The following CDH12 variants were observed in gnomAD, a reference collection of about 807,000 sequenced individuals.
CDH12 encodes cadherin 12.
Under a neutral mutation model 74.1 loss-of-function variants are expected in CDH12, and 41 were observed. That is an observed-to-expected ratio of 0.55 (90% CI 0.43 to 0.72). CDH12 has a LOEUF of 0.72. CDH12 is among the 30% of genes least tolerant of loss of function. The pLI is 0.00. For missense variants in CDH12, 945 were observed against 977.2 expected (o/e 0.97, Z 0.44); for synonymous variants, 399 against 355.0 (o/e 1.12, Z -1.39).
chr5:22,670,420 C>T (rs1465596919), intron 1 of CDH12, among the ~76,000 whole-genome samples: 1 of 152,076 alleles, frequency 6.6e-6, no homozygotes, highest in Non-Finnish European at 1.5e-5. Context: ...AAGAATAAAA[C>T]AGAAAGCTGC....
chr5:22,343,146 C>T (rs1388863634), intron 3 of CDH12, among the ~76,000 whole-genome samples: 1 of 151,630 alleles, frequency 6.6e-6, no homozygotes, highest in African/African-American at 2.4e-5. Flanking sequence ...TAAGCCACCT[C>T]ATCTGGCCTC....
At chr5:22,505,116 T>C (rs1008111262) in intron 2 of CDH12, among the ~76,000 whole-genome samples, 154 bp downstream of exon 2, 10 of 152,040 alleles carry the variant, frequency 6.6e-5, no homozygotes, top group African/African-American at 2.4e-4. Flanking sequence ...GATTTTGTTG[T>C]GTTTATGTCA....
At chr5:22,317,516 G>C (rs984002493) in intron 3 of CDH12, among the ~76,000 whole-genome samples, 1 of 151,994 alleles carries the variant, frequency 6.6e-6, no homozygotes, top group Admixed American at 6.6e-5. Flanking sequence ...CATGAATACA[G>C]AGAAAGACAA....
chr5:22,228,612 T>A (rs1376335430), intron 3 of CDH12, among the ~76,000 whole-genome samples: 1 of 152,146 alleles, frequency 6.6e-6, no homozygotes, highest in Non-Finnish European at 1.5e-5. Flanking sequence ...AAGAAAGGAA[T>A]TCAGCTTGAT....
chr5:22,490,394 T>C (rs568263525), intron 2 of CDH12, among the ~76,000 whole-genome samples: 3 of 152,132 alleles, frequency 2.0e-5, no homozygotes, highest in Non-Finnish European at 4.4e-5. Context: ...TGTTATAGAG[T>C]TCTGCTTTCT....
chr5:22,671,749 A>T (rs1179804198), intron 1 of CDH12, among the ~76,000 whole-genome samples: 1 of 152,036 alleles, frequency 6.6e-6, no homozygotes, highest in African/African-American at 2.4e-5. Context: ...AGATGCTGGG[A>T]AAGATAAGCC....
intron 2 of CDH12, among the ~76,000 whole-genome samples, chr5:22,487,231 AC>A (rs1746643874): frequency 6.6e-6 from 1 of 151,630 alleles, no homozygotes; most frequent in Non-Finnish European, 1.5e-5. Flanking sequence ...CGAACTCCTG[AC>A]CTCAGGTGAT....
At chr5:22,521,969 T>G (rs1737073082) in intron 1 of CDH12, among the ~76,000 whole-genome samples, 2 of 152,182 alleles carry the variant, frequency 1.3e-5, no homozygotes, top group African/African-American at 4.8e-5. Flanking sequence ...AACTTAATAT[T>G]TATATTCCAA....
At chr5:21,866,745 G>T (rs1268974249) in intron 6 of CDH12, among the ~76,000 whole-genome samples, 1 of 152,180 alleles carries the variant, frequency 6.6e-6, no homozygotes, top group African/African-American at 2.4e-5. Context: ...ATTCAAGCTG[G>T]CTGCAGAAAT....
chr5:22,617,854 A>AT (rs1561531414), intron 1 of CDH12, among the ~76,000 whole-genome samples: 1 of 152,142 alleles, frequency 6.6e-6, no homozygotes, highest in Admixed American at 6.6e-5. Context: ...CAATGGTATG[A>AT]TTTTACACCC....
intron 7 of CDH12, among the ~76,000 whole-genome samples, chr5:21,850,484 A>G (rs776302807): frequency 1.3e-5 from 2 of 151,632 alleles, no homozygotes; most frequent in Non-Finnish European, 3.0e-5. Context: ...AAGCCTAAGT[A>G]TGTCTATAGT....
At chr5:22,834,637 T>C (rs1736747315) in intron 1 of CDH12, among the ~76,000 whole-genome samples, 1 of 152,134 alleles carries the variant, frequency 6.6e-6, no homozygotes, top group Admixed American at 6.6e-5. Context: ...TCAAGTGTCT[T>C]GGAAGCCAAT....
At chr5:22,698,709 A>G (rs1333705090) in intron 1 of CDH12, among the ~76,000 whole-genome samples, 412 of 21,402 alleles carry the variant, frequency 0.019, 32 homozygotes, top group African/African-American at 0.039. Flanking sequence ...ATATATATAT[A>G]TATATATATA....
chr5:22,396,251 A>C (rs2920761), intron 3 of CDH12, among the ~76,000 whole-genome samples: 128,277 of 152,032 alleles, frequency 0.84, 54,195 homozygotes, highest in African/African-American at 0.87. Flanking sequence ...AAAATGAGGG[A>C]ACACCAGATG....
intron 6 of CDH12, among the ~76,000 whole-genome samples, chr5:21,873,792 C>T (rs931401538): frequency 1.3e-5 from 2 of 151,924 alleles, no homozygotes; most frequent in East Asian, 1.9e-4. Flanking sequence ...CCTCCCCCAC[C>T]CTCCCCCAAC....
chr5:21,968,169 G>C (rs1756672171), intron 6 of CDH12, among the ~76,000 whole-genome samples: 1 of 152,202 alleles, frequency 6.6e-6, no homozygotes. Context: ...TTACCATTTA[G>C]ACTTTCTCTG....
chr5:22,846,401 A>T (rs1737303678), intron 1 of CDH12, among the ~76,000 whole-genome samples: 1 of 152,166 alleles, frequency 6.6e-6, no homozygotes, highest in Admixed American at 6.5e-5. Flanking sequence ...CCCTTCAGTG[A>T]TTCTCTAGAT....
intron 1 of CDH12, among the ~76,000 whole-genome samples, chr5:22,568,790 G>A (rs1739407136): frequency 6.6e-6 from 1 of 152,120 alleles, no homozygotes; most frequent in Admixed American, 6.5e-5. Context: ...TTAAAATTAT[G>A]TTTACACTAG....
chr5:22,096,018 G>A (rs1580242706), intron 4 of CDH12, among the ~76,000 whole-genome samples: 1 of 149,818 alleles, frequency 6.7e-6, no homozygotes, highest in East Asian at 2.0e-4. Context: ...CTGCTTTTCT[G>A]GAGGGTAAGA....
Sources: allele counts gnomAD v4.1 joint callset (sites outside exome capture counted in the v4.1 genomes callset), GRCh38; gene constraint gnomAD v4.1.1; transcripts MANE v1.5; gene names NCBI Gene and HGNC (gene_info 2026-07-23, HGNC 2026-07-21).